Variants in ERCC6 observed in about 807,000 individuals in gnomAD.
ERCC6 encodes the protein ERCC excision repair 6, chromatin remodeling factor, also known as DNA excision repair protein ERCC-6.
ERCC6 carries 116 observed loss-of-function variants against 158.7 expected under a neutral mutation model. The ratio of observed to expected loss-of-function variants is 0.73; its 90% CI spans 0.63 to 0.85. ERCC6 has a LOEUF of 0.85. Among genes scored for constraint, ERCC6 ranks in the 40% least tolerant of loss-of-function variants. The pLI, the probability that ERCC6 is intolerant of heterozygous loss-of-function variation, is 0.00. For missense variants in ERCC6, 1,698 were observed against 1,799.4 expected (o/e 0.94, Z 1.02); for synonymous variants, 678 against 659.3 (o/e 1.03, Z -0.43).
At chr10:49,518,118 G>C (rs977224391) in intron 5 of ERCC6, among the ~76,000 whole-genome samples, 2 of 152,232 alleles carry the variant, frequency 1.3e-5, no homozygotes, top group African/African-American at 4.8e-5. Context: ...GACAATCCCA[G>C]TGCAAACAGG....
At chr10:49,444,415 C>G in the ERCC6 span, among the ~76,000 whole-genome samples, 1 of 152,086 alleles carries the variant, frequency 6.6e-6, no homozygotes, top group East Asian at 1.9e-4. Context: ...TGAAGAAAAC[C>G]AACACCACAA....
chr10:49,462,023 C>T (rs958329106), intron 18 of ERCC6, among the ~76,000 whole-genome samples: 14 of 152,150 alleles, frequency 9.2e-5, no homozygotes, highest in Admixed American at 5.9e-4. Flanking sequence ...AAATGTCAAC[C>T]TTTCTTATGA....
At chr10:49,525,933 C>A (rs7903788) in intron 4 of ERCC6, among the ~76,000 whole-genome samples, 13 of 151,330 alleles carry the variant, frequency 8.6e-5, no homozygotes, top group South Asian at 2.1e-4. Flanking sequence ...CTTCCTTCAC[C>A]CAACATTATG....
chr10:49,470,660 A>C lies in ERCC6; in HGVS notation c.3300T>G (p.Asn1100Lys). ...CTCCAAGCCTATCATTGCTAGTTAC[A>C]TTACTACTCATGTGAGGGTCATCTT... ...PLKDDPHMSS[N>K]VTSNDRLGEE... Residue 1100 changes from asparagine (N) to lysine (K), a missense_variant, in exon 18 of 21, where the codon AAT (asparagine) becomes AAG (lysine). By Grantham distance (94) the Asn-to-Lys change is moderately conservative. Coordinates refer to ENST00000355832, the MANE Select transcript of ERCC6 (RefSeq NM_000124.4). 1 of 1,613,942 alleles carries C rather than the reference A, an allele frequency of 6.2e-7. No homozygotes were observed. The highest frequency in any genetic ancestry group is 8.5e-7 in the Non-Finnish European group (1 of 1,179,950).
At chr10:49,497,440 C>T (rs1316324753) in intron 7 of ERCC6, among the ~76,000 whole-genome samples, 1 of 152,152 alleles carries the variant, frequency 6.6e-6, no homozygotes, top group Non-Finnish European at 1.5e-5. Flanking sequence ...TTATAATGTG[C>T]CTTCTGCAAA....
At chr10:49,526,439 TA>T (rs530497515) in intron 4 of ERCC6, among the ~76,000 whole-genome samples, 485 of 152,222 alleles carry the variant, frequency 3.2e-3, no homozygotes, top group African/African-American at 0.011. Flanking sequence ...TCTGTTTCTT[TA>T]AATGATTTCT....
At position 49,470,975 on chromosome 10, in the gene ERCC6, C is replaced by T. The variant is rs1850769140; in HGVS notation, c.3070G>A (p.Gly1024Arg). 6.2e-7 allele frequency: 1 copy of T among 1,613,858 alleles called. No individual in the cohort carries two copies. Among genetic ancestry groups the T allele is most frequent in the Non-Finnish European group, 8.5e-7 (1 of 1,179,996 alleles). ...TAAATTAAATGATTTTATGTAATAC[C>T]TGCAAAAATTGCACTTGTTTCAGTG... ...QSTETSAIFA[G>R]TGSDVQTPKC... The change falls in exon 17 of 21, where the codon GGA (glycine) becomes AGA (arginine). Residue 1024 changes from glycine to arginine, a missense_variant and splice_region_variant. Physicochemically the swap from Gly to Arg is moderately radical, Grantham distance 125 (BLOSUM62 -2). Coordinates refer to ENST00000355832, the MANE Select transcript of ERCC6 (RefSeq NM_000124.4).
chr10:49,528,658 A>G (rs1024490644), intron 3 of ERCC6, 133 bp from the exon 4 acceptor site: 1 of 1,151,022 alleles, frequency 8.7e-7, no homozygotes. Context: ...TAAAAATTCC[A>G]TACATTACTA....
chr10:49,444,902 CTAA>C, the ERCC6 span, among the ~76,000 whole-genome samples: 1 of 152,164 alleles, frequency 6.6e-6, no homozygotes, highest in African/African-American at 2.4e-5. Context: ...GGTTAAAAAT[CTAA>C]TAAAGTATTA....
At chr10:49,484,873 T>C (rs1851049909) in intron 8 of ERCC6, among the ~76,000 whole-genome samples, 1 of 152,202 alleles carries the variant, frequency 6.6e-6, no homozygotes, top group Admixed American at 6.5e-5. Flanking sequence ...ACACTAAAAA[T>C]GTCCGAAGGC....
Position 49,476,260 on chromosome 10 carries a change from G to T in ERCC6, c.2337C>A (p.Phe779Leu), listed in dbSNP as rs114490473. The change falls in exon 12 of 21, where the codon TTC becomes TTA. Residue 779 changes from phenylalanine to leucine, a missense_variant. Phe to Leu is a conservative substitution (Grantham distance 22). Transcript: ENST00000355832. ...TDEQHKVYQN[F>L]VDSKEVYRIL... ...TCCTGTAAACTTCTTTGGAATCAAC[G>T]AAATTTTGGTAGACTTTATGCTGCT... 6.2e-7 allele frequency: 1 copy of T among 1,613,720 alleles called. No individual in the cohort carries two copies. The highest frequency in any genetic ancestry group is 8.5e-7 in the Non-Finnish European group (1 of 1,179,900).
rs77027474 is a variant in ERCC6, at chr10:49,474,115, C to T, written c.2510G>A (p.Arg837His). Residue 837 changes from arginine (R) to histidine (H), a missense_variant, in exon 13 of 21, where the codon CGT becomes CAT. Coordinates refer to ENST00000355832, the MANE Select transcript of ERCC6 (RefSeq NM_000124.4). ...LEEDQFGYWK[R>H]SGKMIVVESL... ...CTCAACAACAATCATTTTCCCAGAA[C>T]GTTTCCAGTACCCAAACTGATCTTC... 106 of 1,614,162 alleles carry T rather than the reference C, an allele frequency of 6.6e-5. 1 individual carries two copies. The East Asian group carries it at 2.2e-3, about 33-fold the overall frequency.
intron 8 of ERCC6, 99 bp downstream of exon 8, chr10:49,493,017 AG>A: frequency 8.2e-7 from 1 of 1,225,318 alleles, no homozygotes; most frequent in East Asian, 2.5e-5. Flanking sequence ...AAAAAAACAC[AG>A]GAATATACAT....
chr10:49,448,985 G>A, the ERCC6 span, among the ~76,000 whole-genome samples: 1 of 152,268 alleles, frequency 6.6e-6, no homozygotes, highest in African/African-American at 2.4e-5. Flanking sequence ...ATTTCACTTG[G>A]TTATATACCT....
chr10:49,538,840 C>T (rs1020364424), intron 1 of ERCC6, 122 bp downstream of exon 1: 1 of 152,236 alleles, frequency 6.6e-6, no homozygotes, highest in Non-Finnish European at 1.5e-5. Context: ...ACAGTGCGTC[C>T]TCGCTGACAG....
chr10:49,463,865 C>T lies in ERCC6; in HGVS notation c.3779-2309G>A, dbSNP rs78952611. ...TGACTGTGAGGCCTCCACAGCCACACAGAACTGTAAGTTGATTAAACCTCT... is the reference window on the plus strand; with the variant it reads ...TGACTGTGAGGCCTCCACAGCCACATAGAACTGTAAGTTGATTAAACCTCT... On this transcript the variant is annotated intron_variant, in intron 18 of 20. Coordinates refer to ENST00000355832, the MANE Select transcript of ERCC6 (RefSeq NM_000124.4). Among the ~76,000 whole-genome samples, 5 of 152,320 alleles carry T rather than the reference C, an allele frequency of 3.3e-5. No homozygotes were observed. The South Asian group carries it at 1.0e-3, about 32-fold the overall frequency.
intron 18 of ERCC6, among the ~76,000 whole-genome samples, chr10:49,465,564 A>ATC (rs1487429000): frequency 6.6e-6 from 1 of 152,162 alleles, no homozygotes; most frequent in African/African-American, 2.4e-5. Context: ...TCCCAGCCAA[A>ATC]TCTCATCTTG....
the ERCC6 span, among the ~76,000 whole-genome samples, chr10:49,447,452 C>A: frequency 3.9e-5 from 6 of 152,132 alleles, no homozygotes; most frequent in African/African-American, 1.4e-4. Flanking sequence ...CTTTGGGAGG[C>A]CGAGGCGGGC....
the ERCC6 span, among the ~76,000 whole-genome samples, chr10:49,440,241 AG>A: frequency 1.3e-5 from 2 of 152,234 alleles, no homozygotes; most frequent in African/African-American, 4.8e-5. Context: ...ATGGCTGGGC[AG>A]GCCTCAGAAT....
Sources: allele counts gnomAD v4.1 joint callset (sites outside exome capture counted in the v4.1 genomes callset), GRCh38; gene constraint gnomAD v4.1.1; transcripts MANE v1.5; gene names NCBI Gene and HGNC (gene_info 2026-07-23, HGNC 2026-07-21).